The following CCDC170 variants were observed in gnomAD, a reference collection of about 807,000 sequenced individuals.
CCDC170 encodes the protein coiled-coil domain-containing protein 170.
In CCDC170, 69 loss-of-function variants were observed where a neutral mutation model predicts 72.6. That is an observed-to-expected ratio of 0.95 (90% CI 0.78 to 1.16). The LOEUF is 1.16. Ranked by LOEUF, CCDC170 falls within the 50% of genes most tolerant of loss-of-function variation. The pLI is 0.00. For missense variants in CCDC170, 852 were observed against 832.5 expected, an observed-to-expected ratio of 1.02 and a Z score of -0.29; for synonymous variants, 300 against 303.9, an observed-to-expected ratio of 0.99 and a Z score of 0.13.
chr6:151,495,480 C>T (rs1034160875), intron 1 of CCDC170, among the ~76,000 whole-genome samples: 1 of 151,350 alleles, frequency 6.6e-6, no homozygotes, highest in Non-Finnish European at 1.5e-5. Context: ...CTCTTGTTCT[C>T]TCCCTCCCTC....
intron 6 of CCDC170, among the ~76,000 whole-genome samples, chr6:151,585,191 G>A (rs376785732): frequency 6.6e-6 from 1 of 152,264 alleles, no homozygotes; most frequent in East Asian, 1.9e-4. Flanking sequence ...AAATCAGGTG[G>A]GTTGTGGAGA....
chr6:151,512,453 C>A (rs914350043), intron 1 of CCDC170, among the ~76,000 whole-genome samples: 1 of 152,194 alleles, frequency 6.6e-6, no homozygotes, highest in African/African-American at 2.4e-5. Context: ...AGCCACTGCA[C>A]CCGGACCCAG....
intron 1 of CCDC170, among the ~76,000 whole-genome samples, chr6:151,515,683 A>T (rs1338148988): frequency 4.6e-5 from 7 of 152,126 alleles, no homozygotes; most frequent in Non-Finnish European, 1.0e-4. Context: ...AAGGTGGTAG[A>T]CTCTCCTGAA....
chr6:151,516,594 G>T (rs1583005632), intron 1 of CCDC170, among the ~76,000 whole-genome samples: 1 of 152,232 alleles, frequency 6.6e-6, no homozygotes, highest in Admixed American at 6.5e-5. Flanking sequence ...CACACATGAG[G>T]AGTGAGTTTA....
At chr6:151,517,615 TG>T (rs1782255013) in intron 1 of CCDC170, among the ~76,000 whole-genome samples, 1 of 151,976 alleles carries the variant, frequency 6.6e-6, no homozygotes, top group Non-Finnish European at 1.5e-5. Context: ...TTTTTCTTTT[TG>T]TATTTTTAGT....
intron 7 of CCDC170, among the ~76,000 whole-genome samples, chr6:151,591,866 G>A (rs1490856429): frequency 1.3e-5 from 2 of 152,062 alleles, no homozygotes; most frequent in African/African-American, 2.4e-5. Context: ...AATGTTGTTC[G>A]AAATTTTGTT....
In CCDC170 at chr6:151,508,388, T is replaced by G. The variant is rs374446862; in HGVS notation, c.57+14203T>G. Among the ~76,000 whole-genome samples, 3 of 151,800 alleles carry G rather than the reference T, an allele frequency of 2.0e-5. No homozygotes were observed. The South Asian group carries it at 6.3e-4, about 32-fold the overall frequency. On this transcript the variant is annotated intron_variant, in intron 1 of 10. Transcript: ENST00000239374. The stretch of plus-strand genomic sequence containing the variant: ...CCCTGCCTCTCCTAAAAATACAAAA[T>G]TAGCCAGGCATAGTGGGGGGGCGCC...
rs775895791 is a variant in CCDC170 at position 151,494,115 on chromosome 6, G to A, written c.-14G>A. ...CGGTTCCGGGTCCGAGCGCGCCCCC[G>A]GGCTCGGGTCGTCATGAGCCTGGAC... On this transcript the variant is annotated 5_prime_UTR_variant, in exon 1 of 11. Coordinates refer to ENST00000239374, the MANE Select transcript of CCDC170 (RefSeq NM_025059.4). 80 of 1,496,410 alleles carry A rather than the reference G, an allele frequency of 5.3e-5. 1 individual carries two copies. In the East Asian group the frequency reaches 9.6e-4, roughly 18 times the overall value. 92.7% of individuals were successfully genotyped at this position (1,496,410 alleles called of 1,614,324 possible).
chr6:151,523,032 A>G (rs185655317), intron 1 of CCDC170, among the ~76,000 whole-genome samples: 243 of 152,296 alleles, frequency 1.6e-3, no homozygotes, highest in African/African-American at 5.5e-3. Context: ...ACCGCTTTCC[A>G]GTTACAGTAG....
rs769696343 is a variant in CCDC170 at position 151,618,048 on chromosome 6, C to T, written c.2049C>T (p.Val683=). The T allele has an allele frequency of 6.2e-7, 1 of 1,614,110 alleles. No individual in the cohort carries two copies. Among genetic ancestry groups the T allele is most frequent in the East Asian group, 2.2e-5 (1 of 44,880 alleles). The part of the protein sequence containing the change: ...YEIIKCLERL[V]HSHQHHFVTC... Reference sequence around the variant, plus strand: ...TCATCAAGTGTCTTGAAAGATTGGTCCATTCACATCAGCATCACTTTGTTA... The same window carrying T: ...TCATCAAGTGTCTTGAAAGATTGGTTCATTCACATCAGCATCACTTTGTTA... Residue 683 remains valine (V), a synonymous_variant, in exon 11 of 11, where the codon GTC becomes GTT. Transcript: ENST00000239374.
intron 4 of CCDC170, among the ~76,000 whole-genome samples, chr6:151,547,866 T>C (rs78602586): frequency 0.052 from 7,901 of 152,302 alleles, 307 homozygotes; most frequent in East Asian, 0.21. Flanking sequence ...TATGCTTATA[T>C]TACATAGAAG....
intron 1 of CCDC170, among the ~76,000 whole-genome samples, chr6:151,497,952 C>CAAAAAAAAAAAAAAAAA (rs59201906): frequency 6.9e-5 from 4 of 58,046 alleles, no homozygotes; most frequent in African/African-American, 6.3e-5. Context: ...CACACCATCT[C>CAAAAAAAAAAAAAAAAA]AAAAAAAAAA....
rs999338881 is a variant in CCDC170, at chr6:151,548,436, A to G, written c.721A>G (p.Arg241Gly). Residue 241 changes from arginine (R) to glycine (G), a missense_variant, in exon 5 of 11, where the codon AGA becomes GGA. Physicochemically the swap from Arg to Gly is moderately radical, Grantham distance 125. Transcript: ENST00000239374. ...CATGAGGCTGGCTTCAGAAGTCAAC[A>G]GAGAGCAGAAAAAAGCTGCCTCCTG... ...TIMRLASEVNREQKKAASCTE... is the reference protein window; with the variant it reads ...TIMRLASEVNGEQKKAASCTE... 6.2e-7 allele frequency: 1 copy of G among 1,611,180 alleles called. No individual in the cohort carries two copies. The highest frequency in any genetic ancestry group is 1.3e-5 in the African/African-American group (1 of 74,710).
intron 8 of CCDC170, among the ~76,000 whole-genome samples, chr6:151,593,977 C>T (rs2115116248): frequency 6.6e-6 from 1 of 152,260 alleles, no homozygotes; most frequent in Non-Finnish European, 1.5e-5. Flanking sequence ...GGACATTTAG[C>T]AGCCTCTGCA....
intron 1 of CCDC170, among the ~76,000 whole-genome samples, chr6:151,532,563 C>T (rs774180222): frequency 1.3e-5 from 2 of 150,068 alleles, no homozygotes. Context: ...GCCGAAATTA[C>T]GTCACTGCAC....
At position 151,573,354 on chromosome 6, in the gene CCDC170, T is replaced by C; in HGVS notation, c.955T>C (p.Ser319Pro). 6.2e-7 allele frequency: 1 copy of C among 1,614,062 alleles called. No individual in the cohort carries two copies. The highest frequency in any genetic ancestry group is 8.5e-7 in the Non-Finnish European group (1 of 1,180,018). ...LKASQDAVTT[S>P]QSQYFSFREK... Reference sequence around the variant, plus strand: ...GGCCAGTCAGGATGCAGTCACAACCTCACAAAGCCAGTACTTCTCATTTAG... The same window carrying C: ...GGCCAGTCAGGATGCAGTCACAACCCCACAAAGCCAGTACTTCTCATTTAG... The change falls in exon 6 of 11, where the codon TCA (serine) becomes CCA (proline). Residue 319 changes from serine to proline, a missense_variant. By Grantham distance (74) the Ser-to-Pro change is moderately conservative. Transcript: ENST00000239374.
chr6:151,609,078 C>T (rs1776829818), intron 9 of CCDC170, among the ~76,000 whole-genome samples: 1 of 152,178 alleles, frequency 6.6e-6, no homozygotes, highest in Non-Finnish European at 1.5e-5. Flanking sequence ...GTTTTTGCAT[C>T]TCAGAAGGTC....
At chr6:151,555,774 T>C (rs975459) in intron 5 of CCDC170, among the ~76,000 whole-genome samples, 23,809 of 152,190 alleles carry the variant, frequency 0.16, 2,295 homozygotes, top group East Asian at 0.46. Flanking sequence ...TTCAAATGGT[T>C]AAGGACATTT....
chr6:151,596,661 C>A, intron 9 of CCDC170, 84 bp downstream of exon 9: 1 of 1,532,652 alleles, frequency 6.5e-7, no homozygotes. Context: ...TTTATCGGGA[C>A]ACGCCAGAAG....
Sources: allele counts gnomAD v4.1 joint callset (sites outside exome capture counted in the v4.1 genomes callset), GRCh38; gene constraint gnomAD v4.1.1; transcripts MANE v1.5; gene names NCBI Gene and HGNC (gene_info 2026-07-23, HGNC 2026-07-21).